The following GRIPAP1 variants were observed in gnomAD, a reference collection of about 807,000 sequenced individuals.
GRIPAP1 encodes the protein GRIP1-associated protein 1.
A neutral mutation model predicts 84.1 loss-of-function variants in GRIPAP1; 14 were observed. The ratio of observed to expected loss-of-function variants is 0.17; its 90% CI spans 0.11 to 0.26. The LOEUF (loss-of-function observed/expected upper bound fraction) is 0.26, where lower values mean the gene tolerates loss of function less well. Ranked by LOEUF, GRIPAP1 falls within the 10% of genes least tolerant of loss-of-function variation. The pLI, the probability that GRIPAP1 is intolerant of heterozygous loss-of-function variation, is 1.00. For synonymous variants in GRIPAP1, 261 were observed against 256.8 expected (o/e 1.02, Z -0.15); for missense variants, 518 against 674.2 (o/e 0.77, Z 2.57).
chrX:48,988,268 CTGTT>C (rs1234201625), intron 11 of GRIPAP1, 70 bp from the exon 12 acceptor site: 18 of 731,573 alleles, frequency 2.5e-5, no homozygotes, highest in Non-Finnish European at 3.5e-5. Flanking sequence ...TACAGACTCT[CTGTT>C]TGACCACCCA....
rs782154003 is a variant in GRIPAP1 at position 48,985,366 on chromosome X, G to A, written c.1078C>T (p.Arg360Trp). 1.7e-5 allele frequency: 21 copies of A among 1,207,185 alleles called. No homozygotes were observed. The highest frequency in any genetic ancestry group is 2.2e-5 in the Non-Finnish European group (20 of 892,837). ...GCTGCCAGCCCAGTGGTCTGTTCCC[G>A]GAGCATATTCAGTTCTTGGGTCTTT... ...TAKTQELNML[R>W]EQTTGLAAEL... The change falls in exon 14 of 26, where the codon CGG becomes TGG. Residue 360 changes from arginine to tryptophan, a missense_variant. Transcript: ENST00000376423.
At chrX:48,976,149 G>A in intron 23 of GRIPAP1, 38 bp from the exon 24 acceptor site, 2 of 1,202,774 alleles carry the variant, frequency 1.7e-6, no homozygotes, top group Non-Finnish European at 2.2e-6. Context: ...CCCCTCTACT[G>A]TACATGTTCA....
Position 48,974,259 on chromosome X carries a change from A to G in GRIPAP1, c.2460T>C (p.Ile820=). 8.3e-7 allele frequency: 1 copy of G among 1,205,369 alleles called. No homozygotes were observed. Among genetic ancestry groups the G allele is most frequent in the Non-Finnish European group, 1.1e-6 (1 of 889,836 alleles). The part of the protein sequence containing the change: ...HKDMEVLSQE[I]VRLSKECVGP... ...CCACGCACTCCTTGCTGAGCCGCAC[A>G]ATTTCCTGGGACAGAACTTCCATAT... The change falls in exon 26 of 26, where the codon ATT becomes ATC. Residue 820 remains isoleucine, a synonymous_variant. Coordinates refer to ENST00000376423, the MANE Select transcript of GRIPAP1 (RefSeq NM_020137.5).
At chrX:48,986,837 T>A (rs1557063897) in intron 13 of GRIPAP1, among the ~76,000 whole-genome samples, 1 of 108,047 alleles carries the variant, frequency 9.3e-6, no homozygotes, top group African/African-American at 3.4e-5. Flanking sequence ...GGCCAATAAG[T>A]TTTTTTTCGT....
chrX:48,987,993 A>G (rs2064500924), intron 12 of GRIPAP1, 116 bp from the exon 13 acceptor site: 1 of 588,093 alleles, frequency 1.7e-6, no homozygotes, highest in Non-Finnish European at 2.8e-6. Flanking sequence ...ACACACACAC[A>G]CACACACACA....
intron 1 of GRIPAP1, among the ~76,000 whole-genome samples, chrX:48,999,953 T>A (rs1205713523): frequency 9.0e-6 from 1 of 110,912 alleles, no homozygotes; most frequent in Non-Finnish European, 1.9e-5. Context: ...GGGCCTGTCT[T>A]CCTCCCTCTT....
At chrX:48,990,898 A>G in intron 7 of GRIPAP1, 28 bp downstream of exon 7, 1 of 1,116,117 alleles carries the variant, frequency 9.0e-7, no homozygotes, top group Non-Finnish European at 1.2e-6. Context: ...GCCTTCTGGC[A>G]TTCCAGCTCC....
intron 22 of GRIPAP1, 120 bp from the exon 23 acceptor site, chrX:48,976,483 G>A: frequency 2.3e-6 from 2 of 874,426 alleles, no homozygotes; most frequent in Non-Finnish European, 3.2e-6. Context: ...GGGCCCTGAA[G>A]CTGGGACTGT....
intron 4 of GRIPAP1, 130 bp downstream of exon 4, chrX:48,998,024 A>C (rs1482390684): frequency 3.6e-6 from 2 of 558,161 alleles, no homozygotes; most frequent in African/African-American, 4.5e-5. Context: ...ACAGCAACAC[A>C]TGGCAGTGAG....
intron 6 of GRIPAP1, among the ~76,000 whole-genome samples, 168 bp downstream of exon 6, chrX:48,993,260 A>G (rs2064529739): frequency 8.8e-6 from 1 of 113,182 alleles, no homozygotes. Context: ...TGCACTGTGT[A>G]GATGATAAGG....
chrX:48,983,215 T>C lies in GRIPAP1; in HGVS notation c.1485+13A>G, dbSNP rs782411317. The C allele has an allele frequency of 9.2e-6, 11 of 1,196,195 alleles. No homozygotes were observed. The highest frequency in any genetic ancestry group is 1.2e-5 in the Non-Finnish European group (11 of 881,072). ...TTTTAGAGGAAGAAGGGCATCATCATCTACCCACCCACCTTCTCCTCCCGG... is the reference window on the plus strand; with the variant it reads ...TTTTAGAGGAAGAAGGGCATCATCACCTACCCACCCACCTTCTCCTCCCGG... On this transcript the variant is annotated intron_variant, in intron 16 of 25. Transcript: ENST00000376423.
At chrX:48,999,411 C>G in intron 2 of GRIPAP1, 27 bp downstream of exon 2, 1 of 1,156,678 alleles carries the variant, frequency 8.6e-7, no homozygotes, top group African/African-American at 1.8e-5. Context: ...AAAGCCACCC[C>G]CATCTAATAA....
chrX:49,002,247 C>T lies in GRIPAP1; in HGVS notation c.-18G>A, dbSNP rs782489909. 3 of 1,098,993 alleles carry T rather than the reference C, an allele frequency of 2.7e-6. No homozygotes were observed. The highest frequency in any genetic ancestry group is 1.9e-5 in the South Asian group (1 of 51,413). 90.6% of individuals were successfully genotyped at this position (1,098,993 alleles called of 1,213,427 possible). On this transcript the variant is annotated 5_prime_UTR_variant, in exon 1 of 26. Coordinates refer to ENST00000376423, the MANE Select transcript of GRIPAP1 (RefSeq NM_020137.5). ...TGCGCCATGTTCCTCCCCCCACCCC[C>T]CCGCCAGCTTTCTGCGCAGACGCAG...
chrX:48,998,134 C>T lies in GRIPAP1; in HGVS notation c.198+20G>A. 8.6e-7 allele frequency: 1 copy of T among 1,167,739 alleles called. No individual in the cohort carries two copies. The highest frequency in any genetic ancestry group is 1.8e-5 in the African/African-American group (1 of 56,749). On this transcript the variant is annotated intron_variant, in intron 4 of 25. Transcript: ENST00000376423. ...CCAAGACATCTCCCAGTCACACTCACCCACAAGGGATCCCCTTACCTGAGC... is the reference window on the plus strand; with the variant it reads ...CCAAGACATCTCCCAGTCACACTCATCCACAAGGGATCCCCTTACCTGAGC...
chrX:48,993,709 C>T (rs1346946352), intron 5 of GRIPAP1, 131 bp from the exon 6 acceptor site: 8 of 420,125 alleles, frequency 1.9e-5, no homozygotes, highest in Non-Finnish European at 1.8e-5. Context: ...TAGGTGCCCT[C>T]CCACTTTACA....
At chrX:49,000,350 G>C (rs2064571390) in intron 1 of GRIPAP1, among the ~76,000 whole-genome samples, 1 of 64,367 alleles carries the variant, frequency 1.6e-5, no homozygotes, top group Non-Finnish European at 2.6e-5. Context: ...GGGTGACAGA[G>C]TGAGACTCTG....
chrX:48,989,918 C>T, intron 9 of GRIPAP1, 36 bp from the exon 10 acceptor site: 1 of 1,203,516 alleles, frequency 8.3e-7, no homozygotes, highest in Non-Finnish European at 1.1e-6. Context: ...TGGGTCAGTT[C>T]CGTAAGTTAA....
At chrX:48,983,539 C>T in intron 15 of GRIPAP1, 99 bp from the exon 16 acceptor site, 1 of 682,287 alleles carries the variant, frequency 1.5e-6, no homozygotes, top group Non-Finnish European at 2.3e-6. Flanking sequence ...AACTCCACTC[C>T]CTCCCATCCC....
intron 6 of GRIPAP1, among the ~76,000 whole-genome samples, chrX:48,992,975 C>G (rs1195112666): frequency 2.7e-5 from 3 of 110,854 alleles, no homozygotes; most frequent in African/African-American, 6.6e-5. Context: ...CGCCCGCCAC[C>G]GTGCCCGGCC....
Sources: allele counts gnomAD v4.1 joint callset (sites outside exome capture counted in the v4.1 genomes callset), GRCh38; gene constraint gnomAD v4.1.1; transcripts MANE v1.5; gene names NCBI Gene and HGNC (gene_info 2026-07-23, HGNC 2026-07-21).